Variants in BLOC1S5 observed in about 807,000 individuals in gnomAD.
BLOC1S5 encodes biogenesis of lysosomal organelles complex 1 subunit 5, also known as biogenesis of lysosome-related organelles complex 1 subunit 5.
BLOC1S5 carries 27 observed loss-of-function variants against 24.3 expected under a neutral mutation model. The observed-to-expected ratio is 1.11, with a 90% CI of 0.82 to 1.53. The LOEUF (loss-of-function observed/expected upper bound fraction) is 1.53. Among genes scored for constraint, BLOC1S5 ranks in the 40% most tolerant of loss-of-function variants. The pLI is 0.00. For synonymous variants in BLOC1S5, 84 were observed against 74.5 expected (o/e 1.13, Z -0.66); for missense variants, 239 against 229.4 (o/e 1.04, Z -0.27).
chr6:8,049,566 G>T (rs1314407822), intron 2 of BLOC1S5, among the ~76,000 whole-genome samples: 4 of 152,028 alleles, frequency 2.6e-5, no homozygotes, highest in Non-Finnish European at 5.9e-5. Flanking sequence ...TACATTCAAA[G>T]AAGTGTAGCT....
At chr6:8,022,875 C>T (rs562978092) in intron 4 of BLOC1S5, among the ~76,000 whole-genome samples, 7 of 141,052 alleles carry the variant, frequency 5.0e-5, no homozygotes, top group South Asian at 2.2e-4. Context: ...TGAGCCACCG[C>T]GCCCGGCCTC....
intron 2 of BLOC1S5, among the ~76,000 whole-genome samples, chr6:8,053,388 A>G (rs1224139377): frequency 6.6e-6 from 1 of 152,106 alleles, no homozygotes; most frequent in Non-Finnish European, 1.5e-5. Flanking sequence ...AGCCACCCCA[A>G]CCTTCTGCAA....
Position 8,015,294 on chromosome 6 carries a change from C to T in BLOC1S5, c.*355G>A, listed in dbSNP as rs763593551. ...AGCCACAATAATAAACTATTGTTAA[C>T]CCTGTATAGAAATGAATGAAATTAT... On this transcript the variant is annotated 3_prime_UTR_variant, in exon 5 of 5. Transcript: ENST00000397457. 5.6e-6 allele frequency: 1 copy of T among 179,254 alleles called. No individual in the cohort carries two copies. Among genetic ancestry groups the T allele is most frequent in the East Asian group, 1.5e-4 (1 of 6,638 alleles). 11.1% of individuals were successfully genotyped at this position (179,254 alleles called of 1,614,324 possible). A position where few individuals can be genotyped will look rare whatever the true frequency, so the allele number is the denominator to read the frequency against.
At chr6:8,052,647 C>T (rs188282556) in intron 2 of BLOC1S5, among the ~76,000 whole-genome samples, 69 of 151,690 alleles carry the variant, frequency 4.5e-4, no homozygotes, top group African/African-American at 1.6e-3. Context: ...AATCCCAGCA[C>T]TTTGGGAGGC....
chr6:8,054,357 T>C (rs1297740347), intron 2 of BLOC1S5: 2 of 385,190 alleles, frequency 5.2e-6, no homozygotes, highest in Non-Finnish European at 1.0e-5. Context: ...CCTTTAACTA[T>C]GGTTTAGTCT....
intron 2 of BLOC1S5, among the ~76,000 whole-genome samples, chr6:8,046,126 C>T (rs1420066635): frequency 1.3e-5 from 2 of 152,166 alleles, no homozygotes; most frequent in Non-Finnish European, 2.9e-5. Context: ...ATCATGGGGC[C>T]AGTCTTTCCC....
intron 3 of BLOC1S5, among the ~76,000 whole-genome samples, chr6:8,027,711 G>C (rs899934867): frequency 1.5e-4 from 22 of 151,684 alleles, no homozygotes; most frequent in African/African-American, 5.3e-4. Flanking sequence ...GCACATGCCT[G>C]TAGTCCCAGC....
chr6:8,017,796 T>A (rs1762793687), intron 4 of BLOC1S5: 1 of 152,234 alleles, frequency 6.6e-6, no homozygotes, highest in Admixed American at 6.5e-5. Context: ...CCTAATAGCT[T>A]GGTTGTAGAT....
At chr6:8,033,298 G>GGACA (rs1349297958) in intron 3 of BLOC1S5, among the ~76,000 whole-genome samples, 1 of 152,110 alleles carries the variant, frequency 6.6e-6, no homozygotes, top group East Asian at 1.9e-4. Flanking sequence ...CAATGGAACA[G>GGACA]GACAGACGCC....
At chr6:8,056,537 G>A (rs1329951086) in intron 2 of BLOC1S5, among the ~76,000 whole-genome samples, 1 of 152,184 alleles carries the variant, frequency 6.6e-6, no homozygotes, top group Non-Finnish European at 1.5e-5. Flanking sequence ...ATTGTAATCT[G>A]GAAGAATCGA....
In BLOC1S5 at chr6:8,064,250, C is replaced by G. The variant is rs1413338975; in HGVS notation, c.112+15G>C. ...GCTGGGATCCACCAGGAACTATAGCCCTGACACTCCGTACCCTTGATAATG... is the reference window on the plus strand; with the variant it reads ...GCTGGGATCCACCAGGAACTATAGCGCTGACACTCCGTACCCTTGATAATG... On this transcript the variant is annotated intron_variant, in intron 1 of 4. Transcript: ENST00000397457. 16 of 1,607,408 alleles carry G rather than the reference C, an allele frequency of 1.0e-5. No individual in the cohort carries two copies. Among genetic ancestry groups the G allele is most frequent in the African/African-American group, 4.0e-5 (3 of 74,736 alleles).
Position 8,015,425 on chromosome 6 carries a change from CTTCA to C in BLOC1S5, c.*220_*223del, listed in dbSNP as rs1762698690. The C allele has an allele frequency of 2.1e-6, 1 of 467,900 alleles. No individual in the cohort carries two copies. The highest frequency in any genetic ancestry group is 3.7e-6 in the Non-Finnish European group (1 of 267,138). 29.0% of individuals were successfully genotyped at this position (467,900 alleles called of 1,614,324 possible). On this transcript the variant is annotated 3_prime_UTR_variant, in exon 5 of 5. Coordinates refer to ENST00000397457, the MANE Select transcript of BLOC1S5 (RefSeq NM_201280.3). ...TGATTCCATTTTCCTTCCTACTCCT[CTTCA>C]TTCAAATAATCATATATAGGCACTT...
intron 2 of BLOC1S5, among the ~76,000 whole-genome samples, chr6:8,052,884 C>T (rs1371199162): frequency 3.5e-5 from 5 of 141,586 alleles, no homozygotes; most frequent in African/African-American, 1.3e-4. Flanking sequence ...GGCAACAGAG[C>T]GAGACTCTGT....
rs776381029 is a variant in BLOC1S5 at position 8,015,823 on chromosome 6, A to G, written c.390T>C (p.His130=). 1.1e-5 allele frequency: 17 copies of G among 1,597,360 alleles called. No homozygotes were observed. The highest frequency in any genetic ancestry group is 1.4e-5 in the Non-Finnish European group (16 of 1,175,274). Residue 130 remains histidine, a synonymous_variant, in exon 5 of 5, where the codon CAT becomes CAC. Transcript: ENST00000397457. ...TCTCACTAGCTACTAAGTGGTCACT[A>G]TGAATCTGAGAAAAGAAAATTAGAA... The part of the protein sequence containing the change: ...QQREQERKKI[H]SDHLVASEKQ...
chr6:8,047,091 A>C (rs912628606), intron 2 of BLOC1S5, among the ~76,000 whole-genome samples: 5 of 151,794 alleles, frequency 3.3e-5, no homozygotes, highest in Non-Finnish European at 5.9e-5. Context: ...ATCTCAACAT[A>C]TATTAATATC....
rs747814638 is a variant in BLOC1S5 at position 8,041,223 on chromosome 6, T to C, written c.241A>G (p.Asn81Asp). 31 of 1,612,988 alleles carry C rather than the reference T, an allele frequency of 1.9e-5. No homozygotes were observed. The highest frequency in any genetic ancestry group is 2.6e-5 in the Non-Finnish European group (31 of 1,179,508). Residue 81 changes from asparagine (N) to aspartate (D), a missense_variant, in exon 3 of 5, where the codon AAC becomes GAC. Asn to Asp is a conservative substitution (Grantham distance 23). Transcript: ENST00000397457. ...REMRVLENLK[N>D]MIHETNEHTL... is the part of the protein sequence containing the mutation. ...TGTTCATTTGTTTCATGGATCATGT[T>C]CTTCAAATTTTCAAGAACTCGCATT...
At chr6:8,027,537 TA>T in intron 3 of BLOC1S5, 1 of 422,716 alleles carries the variant, frequency 2.4e-6, no homozygotes, top group Non-Finnish European at 4.8e-6. Context: ...GTTCTTCATA[TA>T]AAATAAGCAG....
intron 3 of BLOC1S5, among the ~76,000 whole-genome samples, chr6:8,032,635 G>A (rs1763342986): frequency 6.6e-6 from 1 of 152,116 alleles, no homozygotes; most frequent in African/African-American, 2.4e-5. Flanking sequence ...AGGGCAATCA[G>A]GCACGAGAAA....
intron 1 of BLOC1S5, 146 bp downstream of exon 1, chr6:8,064,119 G>T: frequency 1.7e-6 from 1 of 596,692 alleles, no homozygotes; most frequent in Middle Eastern, 3.4e-4. Flanking sequence ...CGGGGAAAAA[G>T]GCGGGGACCG....
Sources: allele counts gnomAD v4.1 joint callset (sites outside exome capture counted in the v4.1 genomes callset), GRCh38; gene constraint gnomAD v4.1.1; transcripts MANE v1.5; gene names NCBI Gene and HGNC (gene_info 2026-07-23, HGNC 2026-07-21).